Variants in CSMD3 observed in about 807,000 individuals in gnomAD.
CSMD3 encodes CUB and sushi domain-containing protein 3.
CSMD3 carries 177 observed loss-of-function variants against 435.2 expected under a neutral mutation model. That is an observed-to-expected ratio of 0.41 (90% confidence interval 0.36 to 0.46). CSMD3 has a LOEUF of 0.46. Ranked by LOEUF, CSMD3 falls within the 20% of genes least tolerant of loss-of-function variation. The pLI, the probability that CSMD3 is intolerant of heterozygous loss-of-function variation, is 0.34. For synonymous variants in CSMD3, 1,656 were observed against 1,520.5 expected, an observed-to-expected ratio of 1.09 and a Z score of -2.07; for missense variants, 4,265 against 4,504.6, an observed-to-expected ratio of 0.95 and a Z score of 1.52.
intron 6 of CSMD3, among the ~76,000 whole-genome samples, chr8:112,979,844 G>T (rs1233807819): frequency 1.3e-5 from 2 of 150,716 alleles, no homozygotes; most frequent in African/African-American, 4.8e-5. Context: ...AAAATAAGAC[G>T]TTCACAATAT....
At chr8:113,296,608 G>C (rs1250142368) in intron 2 of CSMD3, among the ~76,000 whole-genome samples, 3 of 152,082 alleles carry the variant, frequency 2.0e-5, no homozygotes, top group Non-Finnish European at 4.4e-5. Flanking sequence ...AAGTAAATGT[G>C]TGACCAGATT....
intron 38 of CSMD3, among the ~76,000 whole-genome samples, chr8:112,363,563 G>C (rs1827469138): frequency 6.6e-6 from 1 of 151,890 alleles, no homozygotes. Context: ...TGGGTACCAG[G>C]ACCAGTGTCC....
intron 13 of CSMD3, among the ~76,000 whole-genome samples, chr8:112,742,141 C>T (rs1366286999): frequency 6.6e-6 from 1 of 151,900 alleles, no homozygotes. Flanking sequence ...TCTCTCACAA[C>T]AAACACACAC....
rs1454007150 is a variant in CSMD3 at position 112,473,953 on chromosome 8, G to A, written c.5279-1246C>T. ...GCCTGTTGCCGACAGCTAGTAGGAA[G>A]CCTGTTGTCACTGCCACTCATATTT... On this transcript the variant is annotated intron_variant, in intron 31 of 70. Coordinates refer to ENST00000297405, the MANE Select transcript of CSMD3 (RefSeq NM_198123.2). 6.6e-5 allele frequency among the ~76,000 whole-genome samples: 10 copies of A among 152,124 alleles called. 1 individual carries two copies. In the South Asian group the frequency reaches 2.1e-3, roughly 32 times the overall value.
intron 6 of CSMD3, among the ~76,000 whole-genome samples, chr8:113,004,683 T>C (rs1302270229): frequency 3.3e-5 from 5 of 151,940 alleles, no homozygotes; most frequent in African/African-American, 1.2e-4. Context: ...TGAAAAAAGT[T>C]AAAAATTGAA....
chr8:112,859,085 C>T (rs2080749885), intron 11 of CSMD3, 60 bp downstream of exon 11: 5 of 1,511,576 alleles, frequency 3.3e-6, no homozygotes, highest in African/African-American at 1.4e-5. Flanking sequence ...CGTATTATTT[C>T]TTTGCCTTTG....
chr8:113,186,241 GGTTTCTATT>G (rs1395211577), intron 3 of CSMD3, among the ~76,000 whole-genome samples: 1 of 151,878 alleles, frequency 6.6e-6, no homozygotes, highest in Admixed American at 6.6e-5. Flanking sequence ...TAATAAGATA[GGTTTCTATT>G]GCCCTCCTCC....
At chr8:113,206,905 T>C (rs1473642286) in intron 3 of CSMD3, among the ~76,000 whole-genome samples, 1 of 152,198 alleles carries the variant, frequency 6.6e-6, no homozygotes, top group Non-Finnish European at 1.5e-5. Context: ...ATCAAGTTTG[T>C]TTCTACACAA....
intron 3 of CSMD3, among the ~76,000 whole-genome samples, chr8:113,238,125 G>A (rs1236987501): frequency 6.6e-6 from 1 of 150,772 alleles, no homozygotes; most frequent in Non-Finnish European, 1.5e-5. Context: ...TGATGAGAAT[G>A]GCTCTGAATT....
At chr8:112,248,570 G>T (rs779789311) in intron 63 of CSMD3, among the ~76,000 whole-genome samples, 1 of 152,054 alleles carries the variant, frequency 6.6e-6, no homozygotes, top group African/African-American at 2.4e-5. Context: ...AGTCTGAGAA[G>T]GCTCAATCAC....
At chr8:113,263,319 A>G (rs1433784962) in intron 3 of CSMD3, among the ~76,000 whole-genome samples, 1 of 152,046 alleles carries the variant, frequency 6.6e-6, no homozygotes, top group Admixed American at 6.6e-5. Flanking sequence ...ATACTTGGAA[A>G]TACCATCATT....
intron 3 of CSMD3, among the ~76,000 whole-genome samples, chr8:113,246,867 A>G (rs2093281303): frequency 6.6e-6 from 1 of 152,150 alleles, no homozygotes; most frequent in African/African-American, 2.4e-5. Context: ...ATTTATTTAA[A>G]TTCCTTGAAC....
chr8:113,134,198 G>T (rs534700447), intron 4 of CSMD3, among the ~76,000 whole-genome samples: 2 of 152,104 alleles, frequency 1.3e-5, no homozygotes, highest in African/African-American at 4.8e-5. Flanking sequence ...GGGTTAAATT[G>T]TAAAATAGGC....
intron 2 of CSMD3, chr8:113,309,245 T>C (rs1174936410): frequency 6.6e-6 from 1 of 152,138 alleles, no homozygotes; most frequent in Non-Finnish European, 1.5e-5. Context: ...ATTTCAACTT[T>C]TATCTTGGAT....
intron 13 of CSMD3, among the ~76,000 whole-genome samples, chr8:112,789,532 A>G (rs1217065896): frequency 6.6e-6 from 1 of 152,014 alleles, no homozygotes; most frequent in Non-Finnish European, 1.5e-5. Context: ...TCTGTGTAAC[A>G]TGCTTATATT....
intron 13 of CSMD3, among the ~76,000 whole-genome samples, chr8:112,754,135 T>C (rs1345685473): frequency 6.6e-6 from 1 of 152,196 alleles, no homozygotes; most frequent in East Asian, 1.9e-4. Context: ...CTGCAGATTA[T>C]GTAACAACTG....
chr8:113,376,634 C>G (rs1046317642), intron 1 of CSMD3: 1 of 1,314,326 alleles, frequency 7.6e-7, no homozygotes, highest in African/African-American at 1.5e-5. Flanking sequence ...TTACCACTCT[C>G]TCTTTCCAGA....
intron 22 of CSMD3, among the ~76,000 whole-genome samples, chr8:112,606,119 CTG>C (rs543107452): frequency 2.2e-4 from 34 of 152,260 alleles, no homozygotes; most frequent in Non-Finnish European, 4.1e-4. Flanking sequence ...TTCCAGCAGA[CTG>C]TGGCATCATA....
intron 6 of CSMD3, among the ~76,000 whole-genome samples, chr8:112,995,552 T>C (rs1209795033): frequency 6.6e-6 from 1 of 151,450 alleles, no homozygotes; most frequent in African/African-American, 2.4e-5. Context: ...GAATATTTAA[T>C]TTAAAATTTA....
Sources: allele counts gnomAD v4.1 joint callset (sites outside exome capture counted in the v4.1 genomes callset), GRCh38; gene constraint gnomAD v4.1.1; transcripts MANE v1.5; gene names NCBI Gene and HGNC (gene_info 2026-07-23, HGNC 2026-07-21).